GRIA4: variants seen among roughly 807,000 people sequenced by gnomAD.
GRIA4 encodes the protein glutamate ionotropic receptor AMPA type subunit 4.
In GRIA4, 34 loss-of-function variants were observed where a neutral mutation model predicts 104.0. That is an observed-to-expected ratio of 0.33 (90% CI 0.25 to 0.44). GRIA4 has a LOEUF of 0.44. Among genes scored for constraint, GRIA4 ranks in the 20% least tolerant of loss-of-function variants. The probability of loss-of-function intolerance (pLI) is 1.00; values close to 1 mark genes in which losing one functional copy is unlikely to be tolerated. For missense variants in GRIA4, 750 were observed against 1,096.5 expected, an observed-to-expected ratio of 0.68 and a Z score of 4.46; for synonymous variants, 386 against 381.9, an observed-to-expected ratio of 1.01 and a Z score of -0.13.
intron 7 of GRIA4, among the ~76,000 whole-genome samples, chr11:105,899,393 G>A (rs1946776034): frequency 6.6e-6 from 1 of 152,280 alleles, no homozygotes; most frequent in African/African-American, 2.4e-5. Context: ...AAATGGATTT[G>A]TTAGTTGGCT....
chr11:105,708,748 A>T (rs1953799855), intron 3 of GRIA4, among the ~76,000 whole-genome samples: 1 of 152,038 alleles, frequency 6.6e-6, no homozygotes, highest in African/African-American at 2.4e-5. Context: ...TGGAGAGAGA[A>T]GTTGCAAATA....
intron 3 of GRIA4, among the ~76,000 whole-genome samples, chr11:105,696,079 G>T (rs544514543): frequency 2.0e-5 from 3 of 152,166 alleles, no homozygotes; most frequent in East Asian, 1.9e-4. Context: ...TTTTATGTTG[G>T]GACTTTTATG....
chr11:105,921,299 A>T (rs1947550848), intron 11 of GRIA4, among the ~76,000 whole-genome samples: 1 of 141,252 alleles, frequency 7.1e-6, no homozygotes, highest in Non-Finnish European at 1.5e-5. Context: ...GGCCTCTACC[A>T]CACTTGGGTG....
intron 11 of GRIA4, among the ~76,000 whole-genome samples, chr11:105,920,106 C>A (rs1347495345): frequency 6.6e-6 from 1 of 151,918 alleles, no homozygotes; most frequent in Non-Finnish European, 1.5e-5. Context: ...AGTAAAGCAG[C>A]TAAAACCTAT....
In GRIA4 at chr11:105,934,292, T is replaced by A. The variant is rs940692385; in HGVS notation, c.2294+323T>A. Among the ~76,000 whole-genome samples the A allele has an allele frequency of 2.0e-5, 3 of 152,158 alleles. 1 individual carries two copies. The South Asian group carries it at 6.2e-4, about 32-fold the overall frequency. ...TTTTTTTGGCCACCAATATCTACAC[T>A]ACCATCATGTCAGTGATAATTCTAC... is the stretch of plus-strand genomic sequence containing the variant. On this transcript the variant is annotated intron_variant, in intron 14 of 16. Coordinates refer to ENST00000282499, the MANE Select transcript of GRIA4 (RefSeq NM_000829.4).
chr11:105,976,957 A>C (rs568614483), intron 16 of GRIA4, among the ~76,000 whole-genome samples: 1 of 152,044 alleles, frequency 6.6e-6, no homozygotes, highest in Non-Finnish European at 1.5e-5. Flanking sequence ...AATACACTTC[A>C]TTGCATTAAT....
At chr11:105,944,375 A>T (rs1207404357) in intron 14 of GRIA4, among the ~76,000 whole-genome samples, 1 of 152,110 alleles carries the variant, frequency 6.6e-6, no homozygotes, top group Non-Finnish European at 1.5e-5. Context: ...GTTCAGGCTC[A>T]TTCTTGGTCT....
At chr11:105,688,531 C>T (rs10895859) in intron 3 of GRIA4, among the ~76,000 whole-genome samples, 67,868 of 151,768 alleles carry the variant, frequency 0.45, 15,288 homozygotes, top group East Asian at 0.57. Flanking sequence ...CCACTGCACT[C>T]CAGCCTGGGC....
intron 14 of GRIA4, among the ~76,000 whole-genome samples, chr11:105,951,580 G>A (rs967217863): frequency 6.6e-6 from 1 of 152,126 alleles, no homozygotes; most frequent in Non-Finnish European, 1.5e-5. Flanking sequence ...TAAATAAAAT[G>A]TGTGGTATGA....
At chr11:105,823,397 G>A (rs1021288114) in intron 4 of GRIA4, among the ~76,000 whole-genome samples, 1 of 151,944 alleles carries the variant, frequency 6.6e-6, no homozygotes, top group African/African-American at 2.4e-5. Flanking sequence ...AAAAACATAA[G>A]GTAATAAGTC....
intron 4 of GRIA4, among the ~76,000 whole-genome samples, chr11:105,816,033 T>C (rs1381731908): frequency 6.6e-6 from 1 of 152,158 alleles, no homozygotes; most frequent in Non-Finnish European, 1.5e-5. Context: ...GCACGTGAGA[T>C]AGCATGACGT....
chr11:105,670,061 G>A (rs923134657), intron 3 of GRIA4, among the ~76,000 whole-genome samples: 2 of 152,056 alleles, frequency 1.3e-5, no homozygotes, highest in Non-Finnish European at 2.9e-5. Context: ...GATGGCTGTA[G>A]TAAATGTAAG....
At chr11:105,631,015 C>G (rs559573049) in intron 3 of GRIA4, among the ~76,000 whole-genome samples, 57 of 152,186 alleles carry the variant, frequency 3.7e-4, no homozygotes, top group African/African-American at 1.3e-3. Context: ...CGTCTAAACC[C>G]CAAAGATTCT....
At chr11:105,783,493 C>T (rs1169828501) in intron 4 of GRIA4, among the ~76,000 whole-genome samples, 3 of 152,142 alleles carry the variant, frequency 2.0e-5, no homozygotes, top group Non-Finnish European at 2.9e-5. Context: ...AAGCATAATG[C>T]CAGTGCAGAA....
In GRIA4 at chr11:105,719,777, G is replaced by GA. The variant is rs111574386; in HGVS notation, c.248-33192dup. On this transcript the variant is annotated intron_variant, in intron 3 of 16. Coordinates refer to ENST00000282499, the MANE Select transcript of GRIA4 (RefSeq NM_000829.4). ...CTCTATAGGGAAAGTCAATGATTGG[G>GA]AAAAAAAAAAAAGCCTGAGTTGGCA... Among the ~76,000 whole-genome samples the GA allele has an allele frequency of 4.2e-3, 571 of 137,072 alleles. 3 individuals carry two copies. Among genetic ancestry groups the GA allele is most frequent in the African/African-American group, 0.013 (474 of 37,286 alleles). The allele number at this position is 137,072 out of a possible 152,430, so 89.9% of individuals were successfully genotyped here. A position where few individuals can be genotyped will look rare whatever the true frequency, so the allele number is the denominator to read the frequency against.
chr11:105,854,746 G>A (rs1275223274), intron 4 of GRIA4, among the ~76,000 whole-genome samples: 14 of 152,106 alleles, frequency 9.2e-5, no homozygotes, highest in Admixed American at 9.2e-4. Flanking sequence ...AATGGTGACT[G>A]TGATTGAAAG....
At chr11:105,861,853 A>T (rs573466088) in intron 4 of GRIA4, among the ~76,000 whole-genome samples, 171 bp from the exon 5 acceptor site, 1 of 152,350 alleles carries the variant, frequency 6.6e-6, no homozygotes, top group African/African-American at 2.4e-5. Flanking sequence ...TTTTGTTGCC[A>T]TGACTAAAGA....
chr11:105,769,900 T>C (rs760681466), intron 4 of GRIA4, among the ~76,000 whole-genome samples: 4 of 152,068 alleles, frequency 2.6e-5, no homozygotes, highest in African/African-American at 4.8e-5. Context: ...AATCTTATTT[T>C]AGAGATATTT....
chr11:105,845,771 C>T (rs1168401442), intron 4 of GRIA4, among the ~76,000 whole-genome samples: 1 of 152,024 alleles, frequency 6.6e-6, no homozygotes, highest in African/African-American at 2.4e-5. Flanking sequence ...GTAGTCCCAG[C>T]TAGTTGGGAG....
Sources: gnomAD v4.1 joint callset for allele counts (sites outside exome capture counted in the v4.1 genomes callset) on GRCh38, gnomAD v4.1.1 for gene constraint, MANE v1.5 for transcripts, NCBI Gene and HGNC (gene_info 2026-07-23, HGNC 2026-07-21) for gene names.